PREX1: variants seen among roughly 807,000 people sequenced by gnomAD.
PREX1 encodes the protein phosphatidylinositol 3,4,5-trisphosphate-dependent Rac exchanger 1 protein.
PREX1 carries 41 observed loss-of-function variants against 198.3 expected under a neutral mutation model. The observed-to-expected ratio is 0.21, with a 90% CI of 0.16 to 0.27. The LOEUF (loss-of-function observed/expected upper bound fraction) is 0.27. Ranked by LOEUF, PREX1 falls within the 10% of genes least tolerant of loss-of-function variation. PREX1 has a pLI of 1.00. For missense variants in PREX1, 1,620 were observed against 2,200.7 expected (o/e 0.74, Z 5.28); for synonymous variants, 843 against 887.2 (o/e 0.95, Z 0.89).
the PREX1 span, among the ~76,000 whole-genome samples, chr20:48,847,364 T>TAAAAAAAAAAAAAAAAAAA: frequency 1.3e-3 from 98 of 77,168 alleles, 1 homozygote; most frequent in Admixed American, 1.9e-3. Flanking sequence ...CCTTCTCTTA[T>TAAAAAAAAAAAAAAAAAAA]AAAAAAAAAA....
intron 36 of PREX1, among the ~76,000 whole-genome samples, chr20:48,629,979 C>T (rs1405053773): frequency 2.6e-5 from 4 of 152,186 alleles, no homozygotes; most frequent in Admixed American, 2.6e-4. Flanking sequence ...CAGAAAAAGC[C>T]TTCCCTTCTG....
intron 8 of PREX1, 149 bp downstream of exon 8, chr20:48,692,523 C>T (rs1467384495): frequency 1.9e-5 from 11 of 592,976 alleles, no homozygotes; most frequent in Middle Eastern, 4.3e-4. Flanking sequence ...CCCAGATGTT[C>T]GCTTCATGCA....
At chr20:48,793,068 G>A (rs2090345726) in intron 1 of PREX1, among the ~76,000 whole-genome samples, 1 of 152,114 alleles carries the variant, frequency 6.6e-6, no homozygotes, top group Non-Finnish European at 1.5e-5. Context: ...AGCCTGACAT[G>A]GTGGTATGCG....
intron 1 of PREX1, among the ~76,000 whole-genome samples, chr20:48,748,825 T>A (rs556782371): frequency 6.6e-6 from 1 of 152,152 alleles, no homozygotes; most frequent in African/African-American, 2.4e-5. Context: ...GATTTGGGTG[T>A]TGTTGTGGTT....
intron 1 of PREX1, among the ~76,000 whole-genome samples, chr20:48,818,911 T>C (rs574881117): frequency 6.6e-6 from 1 of 152,230 alleles, no homozygotes; most frequent in African/African-American, 2.4e-5. Context: ...CCTCTTTGGG[T>C]GTGGTTGGGT....
At chr20:48,751,206 G>A (rs922122458) in intron 1 of PREX1, among the ~76,000 whole-genome samples, 5 of 152,174 alleles carry the variant, frequency 3.3e-5, no homozygotes, top group Admixed American at 6.5e-5. Flanking sequence ...GACAATGAGC[G>A]GAGGGGACAG....
rs73911626 is a variant in PREX1, at chr20:48,675,342, G to A, written c.1665+851C>T. Among the ~76,000 whole-genome samples the A allele has an allele frequency of 3.0e-3, 456 of 152,344 alleles. 4 individuals carry two copies. Among genetic ancestry groups the A allele is most frequent in the African/African-American group, 0.011 (438 of 41,578 alleles). On this transcript the variant is annotated intron_variant, in intron 14 of 39. Transcript: ENST00000371941. ...TGGAACTCCCAACCTCCGGAACTGTGAGAAGTTTCTGTTCTTTATAAATTA... is the reference window on the plus strand; with the variant it reads ...TGGAACTCCCAACCTCCGGAACTGTAAGAAGTTTCTGTTCTTTATAAATTA...
chr20:48,748,789 G>A (rs1029930915), intron 1 of PREX1, among the ~76,000 whole-genome samples: 19 of 152,344 alleles, frequency 1.2e-4, no homozygotes, highest in African/African-American at 4.1e-4. Context: ...TGGGGAGGCC[G>A]CAGGCCCAGG....
the PREX1 span, among the ~76,000 whole-genome samples, chr20:48,862,790 A>AAAAATATAT: frequency 7.5e-4 from 77 of 102,538 alleles, no homozygotes; most frequent in African/African-American, 3.0e-3. Context: ...TAAAAAAAAA[A>AAAAATATAT]ATATATATAT....
At chr20:48,689,448 G>A (rs571973199) in intron 9 of PREX1, among the ~76,000 whole-genome samples, 5 of 152,310 alleles carry the variant, frequency 3.3e-5, no homozygotes, top group African/African-American at 1.2e-4. Context: ...TGCCCAATTG[G>A]AAGTGGTGAA....
chr20:48,772,457 C>T (rs1003765233), intron 1 of PREX1, among the ~76,000 whole-genome samples: 2 of 152,164 alleles, frequency 1.3e-5, no homozygotes, highest in Admixed American at 1.3e-4. Flanking sequence ...AGAAGAGATG[C>T]CCCAGCCCAA....
intron 2 of PREX1, among the ~76,000 whole-genome samples, chr20:48,745,429 T>C (rs2090103267): frequency 6.6e-6 from 1 of 152,244 alleles, no homozygotes. Context: ...GAAACTATTG[T>C]TATGCCCAAT....
intron 25 of PREX1, among the ~76,000 whole-genome samples, chr20:48,646,836 C>T (rs2089455213): frequency 6.6e-6 from 1 of 152,204 alleles, no homozygotes; most frequent in African/African-American, 2.4e-5. Context: ...CCCAGTATTG[C>T]CATTCCTCAA....
intron 1 of PREX1, among the ~76,000 whole-genome samples, chr20:48,789,169 C>A (rs1255258482): frequency 6.6e-6 from 1 of 152,212 alleles, no homozygotes; most frequent in Admixed American, 6.5e-5. Context: ...GCCATGTCTA[C>A]CCCTTCCAAA....
chr20:48,687,141 G>A (rs181408904), intron 10 of PREX1, among the ~76,000 whole-genome samples: 4 of 152,298 alleles, frequency 2.6e-5, no homozygotes, highest in East Asian at 1.9e-4. Flanking sequence ...AGTTCAGGCC[G>A]TCTCATGGCT....
At chr20:48,658,522 C>T (rs1033038695) in intron 16 of PREX1, among the ~76,000 whole-genome samples, 1 of 152,136 alleles carries the variant, frequency 6.6e-6, no homozygotes, top group Non-Finnish European at 1.5e-5. Flanking sequence ...GGCAGGCATG[C>T]TAGAAACAGG....
chr20:48,656,756 A>C (rs528338170), intron 18 of PREX1, among the ~76,000 whole-genome samples: 37 of 152,166 alleles, frequency 2.4e-4, no homozygotes, highest in African/African-American at 8.7e-4. Context: ...GTATCTGCAC[A>C]TTGTCTGTCT....
chr20:48,698,429 C>T (rs1414878594), intron 7 of PREX1, among the ~76,000 whole-genome samples: 3 of 152,028 alleles, frequency 2.0e-5, no homozygotes, highest in Admixed American at 6.6e-5. Context: ...TGGGGCAGAG[C>T]GGCGGGGCAG....
chr20:48,689,599 AACAAAGACC>A (rs1354020221), intron 9 of PREX1, among the ~76,000 whole-genome samples: 1 of 152,118 alleles, frequency 6.6e-6, no homozygotes, highest in Non-Finnish European at 1.5e-5. Flanking sequence ...CCATGTGCCC[AACAAAGACC>A]ACAAAGATAC....
Sources: allele counts gnomAD v4.1 joint callset (sites outside exome capture counted in the v4.1 genomes callset), GRCh38; gene constraint gnomAD v4.1.1; transcripts MANE v1.5; gene names NCBI Gene and HGNC (gene_info 2026-07-23, HGNC 2026-07-21).